Variants in KRT84 observed in about 807,000 individuals in gnomAD.
KRT84 encodes keratin, type II cuticular Hb4.
KRT84 carries 38 observed loss-of-function variants against 49.0 expected under a neutral mutation model. The ratio of observed to expected loss-of-function variants is 0.78; its 90% CI spans 0.60 to 1.02. The LOEUF (loss-of-function observed/expected upper bound fraction) is 1.02. KRT84 is among the 50% of genes least tolerant of loss of function. The pLI is 0.00. For missense variants in KRT84, 860 were observed against 788.6 expected, an observed-to-expected ratio of 1.09 and a Z score of -1.08; for synonymous variants, 334 against 312.8, an observed-to-expected ratio of 1.07 and a Z score of -0.72.
chr12:52,380,471 T>C lies in KRT84; in HGVS notation c.1316A>G (p.Gln439Arg), dbSNP rs746139338. The C allele has an allele frequency of 6.2e-7, 1 of 1,614,150 alleles. No homozygotes were observed. The highest frequency in any genetic ancestry group is 1.7e-5 in the Admixed American group (1 of 60,036). ...CTCGCACAGCTGCCGCGCCATGTCC[T>C]GCTTGGCCTGCTGCAGGGCACACTC... ...DLECALQQAK[Q>R]DMARQLCEYQ... The change falls in exon 7 of 9, where the codon CAG becomes CGG. Residue 439 changes from glutamine to arginine, a missense_variant. Gln to Arg is a conservative substitution (Grantham distance 43, BLOSUM62 1). Coordinates refer to ENST00000257951, the MANE Select transcript of KRT84 (RefSeq NM_033045.4).
At position 52,383,775 on chromosome 12, in the gene KRT84, AT is replaced by A; in HGVS notation, c.569del (p.Asn190IlefsTer4). 1 of 1,613,568 alleles carries A rather than the reference AT, an allele frequency of 6.2e-7. No individual in the cohort carries two copies. Among genetic ancestry groups the A allele is most frequent in the Non-Finnish European group, 8.5e-7 (1 of 1,179,642 alleles). On this transcript the variant is annotated frameshift_variant, in exon 2 of 9. Transcript: ENST00000257951. LOFTEE classifies it high-confidence loss of function. ...AGCTCCACTTGGTCTCTAGGAGCTT[AT>A]TCTGCTGCTCTAGGAACCGAACCTA... ...IDKVRFLEQQ[N>X]KLLETKWSFL...
At position 52,380,046 on chromosome 12, in the gene KRT84, C is replaced by A. The variant is rs369971938; in HGVS notation, c.1425-139G>T. The A allele has an allele frequency of 3.2e-5, 24 of 739,340 alleles. 1 individual carries two copies. The highest frequency in any genetic ancestry group is 2.7e-4 in the South Asian group (15 of 55,628). 45.8% of individuals were successfully genotyped at this position (739,340 alleles called of 1,614,324 possible). ...CCTGGTTATACACACATCTGGGGAG[C>A]GTTGAAAAACACGTTCTTAGACCCT... On this transcript the variant is annotated intron_variant, in intron 7 of 8. Transcript: ENST00000257951.
rs1253409893 is a variant in KRT84, at chr12:52,378,171, T to C, written c.1666A>G (p.Met556Val). 1.3e-6 allele frequency: 2 copies of C among 1,578,626 alleles called. No homozygotes were observed. Among genetic ancestry groups the C allele is most frequent in the Admixed American group, 3.6e-5 (2 of 55,314 alleles). ...GGGACACAGGCCTCGCTGATGAGCATGGAGCCACTCCTTGTGCCAGTGCTC... is the reference window on the plus strand; with the variant it reads ...GGGACACAGGCCTCGCTGATGAGCACGGAGCCACTCCTTGTGCCAGTGCTC... ...LLSTGTRSGSMLISEACVPSV... is the reference protein window; with the variant it reads ...LLSTGTRSGSVLISEACVPSV... The change falls in exon 9 of 9, where the codon ATG becomes GTG. Residue 556 changes from methionine to valine, a missense_variant. Met to Val is a conservative substitution (Grantham distance 21, BLOSUM62 1). Coordinates refer to ENST00000257951, the MANE Select transcript of KRT84 (RefSeq NM_033045.4).
At chr12:52,383,881 T>A in intron 1 of KRT84, 83 bp from the exon 2 acceptor site, 1 of 1,119,392 alleles carries the variant, frequency 8.9e-7, no homozygotes, top group African/African-American at 1.6e-5. Flanking sequence ...TGGCCAGCGA[T>A]GACTTGACCA....
chr12:52,381,575 G>T (rs1939486494), intron 4 of KRT84, 50 bp from the exon 5 acceptor site: 3 of 1,576,338 alleles, frequency 1.9e-6, no homozygotes, highest in Admixed American at 1.7e-5. Context: ...TCATTTAGTA[G>T]CTGGGACTCT....
Position 52,378,432 on chromosome 12 carries a change from T to C in KRT84, c.1457-52A>G. 3.7e-6 allele frequency: 5 copies of C among 1,361,004 alleles called. No individual in the cohort carries two copies. In the South Asian group the frequency reaches 7.8e-5, roughly 21 times the overall value. 84.3% of individuals were successfully genotyped at this position (1,361,004 alleles called of 1,614,324 possible). A position where few individuals can be genotyped will look rare whatever the true frequency, so the allele number is the denominator to read the frequency against. ...GCTGCCGACACCAGGGCCCTCCACC[T>C]CCATGCTACCCCTGGGCTGCACCTC... On this transcript the variant is annotated intron_variant, in intron 8 of 8. Coordinates refer to ENST00000257951, the MANE Select transcript of KRT84 (RefSeq NM_033045.4).
Position 52,385,425 on chromosome 12 carries a change from C to T in KRT84, c.161G>A (p.Ser54Asn), listed in dbSNP as rs796494826. The T allele has an allele frequency of 3.7e-6, 6 of 1,614,196 alleles. No individual in the cohort carries two copies. Among genetic ancestry groups the T allele is most frequent in the East Asian group, 2.2e-5 (1 of 44,878 alleles). ...FRGLGSFGSR[S>N]VITFGSYSPR... Reference sequence around the variant, plus strand: ...TGAGTACGATCCAAAGGTGATGACACTCCGACTACCAAAGCTGCCAAGGCC... The same window carrying T: ...TGAGTACGATCCAAAGGTGATGACATTCCGACTACCAAAGCTGCCAAGGCC... Residue 54 changes from serine to asparagine, a missense_variant, in exon 1 of 9, where the codon AGT (serine) becomes AAT (asparagine). Physicochemically the swap from Ser to Asn is conservative, Grantham distance 46. Transcript: ENST00000257951.
rs1939554006 is a variant in KRT84 at position 52,385,244 on chromosome 12, G to A, written c.342C>T (p.Gly114=). The A allele has an allele frequency of 1.2e-6, 2 of 1,613,962 alleles. No homozygotes were observed. The highest frequency in any genetic ancestry group is 2.7e-5 in the African/African-American group (2 of 74,890). The change falls in exon 1 of 9, where the codon GGC becomes GGT. Residue 114 remains glycine (G), a synonymous_variant. Transcript: ENST00000257951. ...CAAAGCCAGGGCCACCAAAGCCATA[G>A]CCAATGCCACTGCCAGCTCCAAAGC... is the stretch of plus-strand genomic sequence containing the variant. ...GLGFGAGSGI[G]YGFGGPGFGY...
chr12:52,378,438 C>T (rs1939425363), intron 8 of KRT84, 58 bp from the exon 9 acceptor site: 1 of 1,351,110 alleles, frequency 7.4e-7, no homozygotes, highest in Non-Finnish European at 9.7e-7. Flanking sequence ...CACCTCCATG[C>T]TACCCCTGGG....
At chr12:52,382,064 T>G (rs1216206906) in intron 4 of KRT84, among the ~76,000 whole-genome samples, 1 of 152,186 alleles carries the variant, frequency 6.6e-6, no homozygotes, top group Admixed American at 6.5e-5. Context: ...GACAGATTGT[T>G]TATGAAGCAA....
rs759971351 is a variant in KRT84 at position 52,381,399 on chromosome 12, G to A, written c.1039C>T (p.Arg347Cys). 3.6e-5 allele frequency: 58 copies of A among 1,614,048 alleles called. No individual in the cohort carries two copies. Among genetic ancestry groups the A allele is most frequent in the Non-Finnish European group, 4.4e-5 (52 of 1,180,048 alleles). The stretch of plus-strand genomic sequence containing the variant: ...CAGGCCTCAGCATCAGCCCGGCTGC[G>A]CCTGGCCACCTCCTCATACTGGGCC... ...VKAQYEEVAR[R>C]SRADAEAWYQ... Residue 347 changes from arginine to cysteine, a missense_variant, in exon 5 of 9, where the codon CGC becomes TGC. Physicochemically the swap from Arg to Cys is radical, Grantham distance 180. Transcript: ENST00000257951.
chr12:52,380,713 C>A, intron 6 of KRT84, 130 bp from the exon 7 acceptor site: 2 of 948,986 alleles, frequency 2.1e-6, no homozygotes, highest in South Asian at 3.4e-5. Context: ...ATGGTGGCTG[C>A]TTTCCCAGGC....
intron 6 of KRT84, 149 bp from the exon 7 acceptor site, chr12:52,380,732 C>A (rs1113040): frequency 1.3e-6 from 1 of 783,786 alleles, no homozygotes; most frequent in South Asian, 1.8e-5. Flanking sequence ...GCACTGGAGA[C>A]CCTGTAGTTT....
rs773711508 is a variant in KRT84 at position 52,381,122 on chromosome 12, C to T, written c.1161G>A (p.Leu387=). 16 of 1,614,052 alleles carry T rather than the reference C, an allele frequency of 9.9e-6. No homozygotes were observed. In the South Asian group the frequency reaches 1.5e-4, roughly 16 times the overall value. The change falls in exon 6 of 9, where the codon CTG becomes CTA. Residue 387 remains leucine (L), a synonymous_variant. Transcript: ENST00000257951. The part of the protein sequence containing the change: ...IRNEINELTR[L]IQRLKAEIEH... Reference sequence around the variant, plus strand: ...CAATCTCTGCCTTAAGCCTCTGGATCAGGCGGGTCAGTTCGTTGATCTCGT... The same window carrying T: ...CAATCTCTGCCTTAAGCCTCTGGATTAGGCGGGTCAGTTCGTTGATCTCGT...
intron 7 of KRT84, 147 bp from the exon 8 acceptor site, chr12:52,380,054 A>T (rs1939453683): frequency 1.3e-6 from 1 of 741,404 alleles, no homozygotes; most frequent in Non-Finnish European, 2.2e-6. Flanking sequence ...AGCGTTGAAA[A>T]ACACGTTCTT....
intron 4 of KRT84, among the ~76,000 whole-genome samples, chr12:52,382,185 A>T (rs1939495113): frequency 6.6e-6 from 1 of 152,240 alleles, no homozygotes; most frequent in African/African-American, 2.4e-5. Flanking sequence ...TCTAGATCCC[A>T]GTCTTTAAAT....
chr12:52,379,788 G>A, intron 8 of KRT84, 88 bp downstream of exon 8: 1 of 1,092,540 alleles, frequency 9.2e-7, no homozygotes, highest in Non-Finnish European at 1.4e-6. Context: ...GGCCATGTCG[G>A]ACGCCTCCTG....
At position 52,381,470 on chromosome 12, in the gene KRT84, T is replaced by A. The variant is rs770334102; in HGVS notation, c.968A>T (p.Asp323Val). ...ISETSVIVKM[D>V]NSRDLNLDGI... is the part of the protein sequence containing the mutation. ...ATCAAGGTTCAGGTCACGGCTGTTG[T>A]CCATCTTCACAATGACCGACGTCTC... is the stretch of plus-strand genomic sequence containing the variant. Residue 323 changes from aspartate (D) to valine (V), a missense_variant, in exon 5 of 9, where the codon GAC (aspartate) becomes GTC (valine). Coordinates refer to ENST00000257951, the MANE Select transcript of KRT84 (RefSeq NM_033045.4). The A allele has an allele frequency of 6.2e-7, 1 of 1,614,164 alleles. No individual in the cohort carries two copies. Among genetic ancestry groups the A allele is most frequent in the South Asian group, 1.1e-5 (1 of 91,076 alleles).
chr12:52,381,820 T>A (rs1015110768), intron 4 of KRT84, among the ~76,000 whole-genome samples: 1 of 152,202 alleles, frequency 6.6e-6, no homozygotes, highest in Admixed American at 6.5e-5. Context: ...TGGGAGCCAC[T>A]CTAGGGCTTA....
Sources: gnomAD v4.1 joint callset for allele counts (sites outside exome capture counted in the v4.1 genomes callset) on GRCh38, gnomAD v4.1.1 for gene constraint, MANE v1.5 for transcripts, NCBI Gene and HGNC (gene_info 2026-07-23, HGNC 2026-07-21) for gene names.